The following ZNF266 variants were observed in gnomAD, a reference collection of about 807,000 sequenced individuals.
The protein encoded by ZNF266 is zinc finger protein 1.
Under a neutral mutation model 16.4 loss-of-function variants are expected in ZNF266, and 16 were observed. That is an observed-to-expected ratio of 0.98 (90% CI 0.66 to 1.48). The LOEUF (loss-of-function observed/expected upper bound fraction) is 1.48. ZNF266 is among the 40% of genes most tolerant of loss of function. ZNF266 has a pLI of 0.00. For missense variants in ZNF266, 738 were observed against 689.1 expected (o/e 1.07, Z -0.79); for synonymous variants, 262 against 237.9 (o/e 1.10, Z -0.93).
chr19:9,431,434 G>A (rs1019104920), intron 5 of ZNF266, among the ~76,000 whole-genome samples: 32 of 152,304 alleles, frequency 2.1e-4, no homozygotes, highest in African/African-American at 7.7e-4. Context: ...CAGGATGCAT[G>A]CTGCTGCATG....
rs10417184 is a variant in ZNF266 at position 9,427,182 on chromosome 19, C to T, written c.-130+6486G>A. Among the ~76,000 whole-genome samples, 1,028 of 152,310 alleles carry T rather than the reference C, an allele frequency of 6.7e-3. 12 individuals carry two copies. Among genetic ancestry groups the T allele is most frequent in the African/African-American group, 0.024 (996 of 41,568 alleles). Reference sequence around the variant, plus strand: ...CTGAAAAAGAAAATAAAGGGCACCTCATGCTGGATTACTACAGCCTTCATA... The same window carrying T: ...CTGAAAAAGAAAATAAAGGGCACCTTATGCTGGATTACTACAGCCTTCATA... On this transcript the variant is annotated intron_variant, in intron 5 of 10. Coordinates refer to ENST00000592904, the MANE Select transcript of ZNF266 (RefSeq NM_001370374.1).
chr19:9,416,357 TG>T (rs767398123), intron 9 of ZNF266, among the ~76,000 whole-genome samples: 2,382 of 147,048 alleles, frequency 0.016, 55 homozygotes, highest in African/African-American at 0.057. Context: ...AGCTTGTTTT[TG>T]TTTTTTGTTT....
rs994149539 is a variant in ZNF266 at position 9,434,068 on chromosome 19, G to C, written c.-249+7C>G. The C allele has an allele frequency of 3.3e-5, 5 of 152,170 alleles. No individual in the cohort carries two copies. The East Asian group carries it at 9.6e-4, about 29-fold the overall frequency. 9.4% of individuals were successfully genotyped at this position (152,170 alleles called of 1,614,324 possible). A position where few individuals can be genotyped will look rare whatever the true frequency, so the allele number is the denominator to read the frequency against. On this transcript the variant is annotated splice_region_variant and intron_variant, in intron 4 of 10. Transcript: ENST00000592904. Reference sequence around the variant, plus strand: ...CAACCAAAGAAAGAATACTGACTCTGTCAAACCTGGGAGTAATCTTTGATG... The same window carrying C: ...CAACCAAAGAAAGAATACTGACTCTCTCAAACCTGGGAGTAATCTTTGATG...
At position 9,412,505 on chromosome 19, in the gene ZNF266, C is replaced by T. The variant is rs2068425682; in HGVS notation, c.*770G>A. On this transcript the variant is annotated 3_prime_UTR_variant, in exon 11 of 11. Transcript: ENST00000592904. Reference sequence around the variant, plus strand: ...GGTCTGCATTCAAAGCCATCCTGGCCTGCGGGTTGGACAAGCTTGATCTAA... The same window carrying T: ...GGTCTGCATTCAAAGCCATCCTGGCTTGCGGGTTGGACAAGCTTGATCTAA... The T allele has an allele frequency of 6.6e-6, 1 of 152,224 alleles. No homozygotes were observed. The highest frequency in any genetic ancestry group is 6.5e-5 in the Admixed American group (1 of 15,280). 9.4% of individuals were successfully genotyped at this position (152,224 alleles called of 1,614,324 possible).
intron 5 of ZNF266, among the ~76,000 whole-genome samples, chr19:9,429,487 G>A (rs147996186): frequency 1.4e-4 from 22 of 151,842 alleles, no homozygotes; most frequent in African/African-American, 4.8e-4. Context: ...ACTTCAATGG[G>A]TATCCACTTT....
chr19:9,417,241 C>T (rs372457656), intron 9 of ZNF266, among the ~76,000 whole-genome samples: 12 of 152,070 alleles, frequency 7.9e-5, no homozygotes, highest in African/African-American at 2.6e-4. Flanking sequence ...GCGTGGCACA[C>T]ACCTGTAGTC....
intron 10 of ZNF266, among the ~76,000 whole-genome samples, chr19:9,415,092 C>G (rs1288805552): frequency 6.6e-6 from 1 of 152,154 alleles, no homozygotes; most frequent in African/African-American, 2.4e-5. Flanking sequence ...GTCAAGAGTT[C>G]AAGACCAGTC....
At chr19:9,427,439 G>A (rs2070922258) in intron 5 of ZNF266, among the ~76,000 whole-genome samples, 2 of 151,954 alleles carry the variant, frequency 1.3e-5, no homozygotes, top group African/African-American at 4.8e-5. Context: ...TATTGCCTCA[G>A]CCTCCCGAGT....
intron 5 of ZNF266, among the ~76,000 whole-genome samples, chr19:9,422,199 T>C (rs558650322): frequency 6.6e-6 from 1 of 152,300 alleles, no homozygotes; most frequent in East Asian, 1.9e-4. Flanking sequence ...TCTCTAGGAA[T>C]GTTCTTGGAT....
intron 5 of ZNF266, among the ~76,000 whole-genome samples, chr19:9,422,008 A>G (rs1461228053): frequency 1.3e-5 from 2 of 151,770 alleles, no homozygotes; most frequent in East Asian, 1.9e-4. Context: ...CCGCCACCAC[A>G]CCCGGCTAAT....
intron 5 of ZNF266, among the ~76,000 whole-genome samples, chr19:9,421,952 G>A (rs1031447691): frequency 1.2e-4 from 18 of 151,868 alleles, no homozygotes; most frequent in Non-Finnish European, 1.9e-4. Flanking sequence ...CCAGGTTCAC[G>A]CCATTCTCCT....
chr19:9,418,447 G>C lies in ZNF266; in HGVS notation c.235+58C>G. ...GTTGCTATCTCTGATGTGCAATACA[G>C]TAAGTACATAACATAATCTGTTCCA... On this transcript the variant is annotated intron_variant, in intron 8 of 10. Transcript: ENST00000592904. 20 of 1,571,952 alleles carry C rather than the reference G, an allele frequency of 1.3e-5. No individual in the cohort carries two copies. In the South Asian group the frequency reaches 2.1e-4, roughly 17 times the overall value.
intron 9 of ZNF266, among the ~76,000 whole-genome samples, chr19:9,416,986 T>C (rs761681317): frequency 1.5e-4 from 23 of 152,058 alleles, no homozygotes; most frequent in Non-Finnish European, 2.5e-4. Context: ...CAGGAACTTT[T>C]AAAGAAGAAA....
Position 9,413,911 on chromosome 19 carries a change from G to A in ZNF266, c.1215C>T (p.Cys405=), listed in dbSNP as rs201088948. 36 of 1,614,002 alleles carry A rather than the reference G, an allele frequency of 2.2e-5. No homozygotes were observed. The highest frequency in any genetic ancestry group is 1.7e-6 in the Non-Finnish European group (2 of 1,180,008). Residue 405 remains cysteine (C), a synonymous_variant, in exon 11 of 11, where the codon TGC becomes TGT. Transcript: ENST00000592904. ...TGTGAATTCGAAAGTGATCACTGAG[G>A]CATGAGGAATTTCTAAAGGATTTTC... ...ICGKSFRNSS[C]LSDHFRIHTG... is the part of the protein sequence containing the mutation.
chr19:9,416,481 A>G (rs961246620), intron 9 of ZNF266, among the ~76,000 whole-genome samples: 1 of 150,364 alleles, frequency 6.7e-6, no homozygotes, highest in East Asian at 2.0e-4. Context: ...CTCCTGCCTC[A>G]GCCTCCCGAG....
chr19:9,422,451 T>A (rs996107650), intron 5 of ZNF266, among the ~76,000 whole-genome samples: 3 of 152,134 alleles, frequency 2.0e-5, no homozygotes, highest in African/African-American at 7.2e-5. Flanking sequence ...ATTGAACTAC[T>A]CAAAGAATGC....
chr19:9,426,524 G>T (rs1301161776), intron 5 of ZNF266, among the ~76,000 whole-genome samples: 2 of 151,270 alleles, frequency 1.3e-5, no homozygotes, highest in African/African-American at 4.9e-5. Flanking sequence ...CGAGATTTAG[G>T]AGGTTACAAG....
chr19:9,434,925 T>C (rs1568430033), intron 2 of ZNF266, 66 bp from the exon 3 acceptor site: 1 of 152,172 alleles, frequency 6.6e-6, no homozygotes, highest in Non-Finnish European at 1.5e-5. Flanking sequence ...AGACTTCTGG[T>C]CTACAAACGT....
chr19:9,432,321 A>G (rs2071736989), intron 5 of ZNF266, among the ~76,000 whole-genome samples: 1 of 152,210 alleles, frequency 6.6e-6, no homozygotes, highest in South Asian at 2.1e-4. Flanking sequence ...TATGTGTATA[A>G]ACCTAGTATG....
Sources: gnomAD v4.1 joint callset for allele counts (sites outside exome capture counted in the v4.1 genomes callset) on GRCh38, gnomAD v4.1.1 for gene constraint, MANE v1.5 for transcripts, NCBI Gene and HGNC (gene_info 2026-07-23, HGNC 2026-07-21) for gene names.